Variants in CRACR2A observed in about 807,000 individuals in gnomAD.
CRACR2A encodes EF-hand calcium-binding domain-containing protein 4B.
CRACR2A carries 79 observed loss-of-function variants against 90.5 expected under a neutral mutation model. The observed-to-expected ratio is 0.87, with a 90% CI of 0.73 to 1.05. The LOEUF (loss-of-function observed/expected upper bound fraction) is 1.05. Among genes scored for constraint, CRACR2A ranks in the 50% least tolerant of loss-of-function variants. The pLI, the probability that CRACR2A is intolerant of heterozygous loss-of-function variation, is 0.00. For missense variants in CRACR2A, 823 were observed against 897.2 expected (o/e 0.92, Z 1.06); for synonymous variants, 338 against 356.7 (o/e 0.95, Z 0.59).
intron 13 of CRACR2A, 91 bp from the exon 14 acceptor site, chr12:3,638,545 C>T (rs1944501564): frequency 1.5e-6 from 2 of 1,374,840 alleles, no homozygotes; most frequent in Admixed American, 2.8e-5. Flanking sequence ...GAACAGATAC[C>T]CAAGGAGCAT....
At chr12:3,626,505 C>G (rs1472204203) in intron 17 of CRACR2A, among the ~76,000 whole-genome samples, 4 of 152,218 alleles carry the variant, frequency 2.6e-5, no homozygotes, top group African/African-American at 9.6e-5. Flanking sequence ...GGGCTTGGAG[C>G]AGAGAGCTGA....
chr12:3,682,491 G>A (rs1306319609), intron 4 of CRACR2A, among the ~76,000 whole-genome samples: 2 of 152,126 alleles, frequency 1.3e-5, no homozygotes, highest in African/African-American at 4.8e-5. Flanking sequence ...TCCTCCCATT[G>A]TCAGCAAAGA....
chr12:3,734,779 A>G (rs1946423845), intron 1 of CRACR2A, among the ~76,000 whole-genome samples: 1 of 152,160 alleles, frequency 6.6e-6, no homozygotes, highest in Admixed American at 6.5e-5. Context: ...GAGAAAGGCA[A>G]ATTTATGATG....
At chr12:3,634,536 A>G (rs1454195104) in intron 14 of CRACR2A, among the ~76,000 whole-genome samples, 1 of 152,226 alleles carries the variant, frequency 6.6e-6, no homozygotes, top group East Asian at 1.9e-4. Context: ...CAGGAGGTAG[A>G]GTAAGGAGCC....
intron 4 of CRACR2A, among the ~76,000 whole-genome samples, chr12:3,685,473 C>T (rs935046449): frequency 7.2e-5 from 11 of 152,124 alleles, no homozygotes; most frequent in African/African-American, 2.4e-4. Flanking sequence ...AGCCAACAGG[C>T]GGAAGCTACC....
intron 17 of CRACR2A, among the ~76,000 whole-genome samples, chr12:3,621,647 T>TAA: frequency 2.0e-4 from 1 of 5,042 alleles, no homozygotes; most frequent in Non-Finnish European, 2.9e-4. Context: ...AGAGACTCTG[T>TAA]CAAAAAAAAA....
chr12:3,709,268 A>G (rs1399894615), intron 3 of CRACR2A, among the ~76,000 whole-genome samples: 1 of 152,252 alleles, frequency 6.6e-6, no homozygotes, highest in African/African-American at 2.4e-5. Flanking sequence ...TTTGAAGCAG[A>G]AGCTTCTCTC....
chr12:3,703,806 A>C (rs1945872469), intron 3 of CRACR2A, among the ~76,000 whole-genome samples: 1 of 152,266 alleles, frequency 6.6e-6, no homozygotes. Flanking sequence ...AGGGATATCA[A>C]ACAACTACAT....
intron 8 of CRACR2A, among the ~76,000 whole-genome samples, chr12:3,658,838 A>C (rs1179931426): frequency 6.6e-6 from 1 of 151,328 alleles, no homozygotes; most frequent in Non-Finnish European, 1.5e-5. Context: ...TTTTTAAATT[A>C]GTTTTATGAA....
At chr12:3,724,906 G>T (rs1946237557) in intron 2 of CRACR2A, among the ~76,000 whole-genome samples, 1 of 152,126 alleles carries the variant, frequency 6.6e-6, no homozygotes, top group Non-Finnish European at 1.5e-5. Context: ...GGGCTCTTTT[G>T]GTCTAAGGAG....
intron 3 of CRACR2A, among the ~76,000 whole-genome samples, chr12:3,698,225 C>T (rs1945776039): frequency 6.6e-6 from 1 of 152,176 alleles, no homozygotes; most frequent in South Asian, 2.1e-4. Flanking sequence ...AATAGGTCCA[C>T]ATTTTAAATA....
chr12:3,697,255 G>A (rs181395045), intron 3 of CRACR2A, among the ~76,000 whole-genome samples: 19 of 152,190 alleles, frequency 1.2e-4, no homozygotes, highest in South Asian at 6.2e-4. Flanking sequence ...GGAAGAGTGC[G>A]GAAAGAAGAC....
At chr12:3,648,673 C>T (rs150013368) in intron 10 of CRACR2A, 60 bp from the exon 11 acceptor site, 44,273 of 1,567,576 alleles carry the variant, frequency 0.028, 736 homozygotes, top group African/African-American at 0.049. Context: ...TGCCCGGACC[C>T]CTCATGCTGG....
intron 11 of CRACR2A, among the ~76,000 whole-genome samples, chr12:3,645,504 G>C (rs1470812864): frequency 6.6e-6 from 1 of 152,196 alleles, no homozygotes; most frequent in African/African-American, 2.4e-5. Flanking sequence ...AAGCCAAGGG[G>C]CTGGGGGTGG....
At position 3,749,643 on chromosome 12, in the gene CRACR2A, T is replaced by G. The variant is rs190359520; in HGVS notation, c.-387+3372A>C. Among the ~76,000 whole-genome samples the G allele has an allele frequency of 1.8e-4, 28 of 152,308 alleles. No individual in the cohort carries two copies. The East Asian group carries it at 5.4e-3, about 29-fold the overall frequency. ...TTGGGACTTCCCCCTGACCCTGTAC[T>G]TGGACGGAACCCTTTATGGCTCTAA... On this transcript the variant is annotated intron_variant, in intron 1 of 19. Coordinates refer to ENST00000440314, the MANE Select transcript of CRACR2A (RefSeq NM_001144958.2).
intron 7 of CRACR2A, among the ~76,000 whole-genome samples, chr12:3,670,885 C>T (rs556680313): frequency 1.3e-5 from 2 of 152,284 alleles, no homozygotes; most frequent in East Asian, 1.9e-4. Flanking sequence ...AATCCCAACA[C>T]AGTTCCCTAG....
intron 18 of CRACR2A, among the ~76,000 whole-genome samples, chr12:3,617,329 G>A (rs1274046574): frequency 6.6e-6 from 1 of 152,176 alleles, no homozygotes; most frequent in East Asian, 1.9e-4. Context: ...GTACACACAT[G>A]CTCATTCCAG....
At position 3,638,094 on chromosome 12, in the gene CRACR2A, T is replaced by G. The variant is rs1195064227; in HGVS notation, c.1602+30A>C. The G allele has an allele frequency of 2.7e-6, 4 of 1,508,690 alleles. No homozygotes were observed. The East Asian group carries it at 9.9e-5, about 37-fold the overall frequency. 93.5% of individuals were successfully genotyped at this position (1,508,690 alleles called of 1,614,324 possible). On this transcript the variant is annotated intron_variant, in intron 14 of 19. Transcript: ENST00000440314. ...CAAGAGACAGATCATAGAAGTGATG[T>G]GCATGAACCAAGGTAGGCTGTGCCC...
At chr12:3,718,348 G>A (rs1018480182) in intron 2 of CRACR2A, among the ~76,000 whole-genome samples, 1 of 152,196 alleles carries the variant, frequency 6.6e-6, no homozygotes, top group Admixed American at 6.5e-5. Context: ...GGCCCTGGGT[G>A]AAGACACCTT....
Sources: allele counts gnomAD v4.1 joint callset (sites outside exome capture counted in the v4.1 genomes callset), GRCh38; gene constraint gnomAD v4.1.1; transcripts MANE v1.5; gene names NCBI Gene and HGNC (gene_info 2026-07-23, HGNC 2026-07-21).